SNX25: variants seen among roughly 807,000 people sequenced by gnomAD.
SNX25 encodes the protein sorting nexin 25.
SNX25 carries 62 observed loss-of-function variants against 113.7 expected under a neutral mutation model. The observed-to-expected ratio is 0.55, with a 90% CI of 0.44 to 0.67. SNX25 has a LOEUF of 0.67. SNX25 is among the 30% of genes least tolerant of loss of function. The pLI is 0.00. For synonymous variants in SNX25, 421 were observed against 436.2 expected (o/e 0.97, Z 0.43); for missense variants, 1,014 against 1,161.0 (o/e 0.87, Z 1.84).
At chr4:185,214,812 C>G (rs1738515554) in intron 1 of SNX25, among the ~76,000 whole-genome samples, 1 of 152,316 alleles carries the variant, frequency 6.6e-6, no homozygotes, top group East Asian at 1.9e-4. Flanking sequence ...AGACACAAAG[C>G]ATGTGCTCAA....
intron 14 of SNX25, among the ~76,000 whole-genome samples, 182 bp downstream of exon 14, chr4:185,351,791 G>GT (rs1436523188): frequency 6.6e-6 from 1 of 152,056 alleles, no homozygotes. Context: ...GGACAGAGTG[G>GT]TTTTACCACT....
intron 1 of SNX25, among the ~76,000 whole-genome samples, chr4:185,230,996 A>G (rs1232672143): frequency 6.6e-6 from 1 of 152,062 alleles, no homozygotes; most frequent in African/African-American, 2.4e-5. Flanking sequence ...ATTAACATGT[A>G]TATATCCACG....
At chr4:185,374,977 G>A (rs182490699), downstream of SNX25, among the ~76,000 whole-genome samples, 83 of 152,124 alleles carry the variant, frequency 5.5e-4, no homozygotes, top group African/African-American at 1.8e-3. Context: ...CATCTGCTAC[G>A]TGGTCACAAG....
At chr4:185,350,208 C>T (rs1475805935) in intron 13 of SNX25, among the ~76,000 whole-genome samples, 1 of 152,194 alleles carries the variant, frequency 6.6e-6, no homozygotes, top group African/African-American at 2.4e-5. Context: ...TAGGGAGGGT[C>T]ATAGCGTTCG....
intron 16 of SNX25, among the ~76,000 whole-genome samples, chr4:185,358,838 C>A (rs1056603499): frequency 6.6e-6 from 1 of 152,020 alleles, no homozygotes; most frequent in African/African-American, 2.4e-5. Context: ...TTTTATATAA[C>A]AAAATAAGTT....
upstream of SNX25, among the ~76,000 whole-genome samples, chr4:185,204,738 A>G (rs967742123): frequency 6.6e-6 from 1 of 152,210 alleles, no homozygotes; most frequent in Non-Finnish European, 1.5e-5. Context: ...AGAAGTTCAA[A>G]GTCAGTAGTG....
chr4:185,220,484 C>CTT (rs33968295), intron 1 of SNX25, among the ~76,000 whole-genome samples: 65,560 of 131,574 alleles, frequency 0.5, 16,959 homozygotes, highest in East Asian at 0.7. Context: ...AACTGAGTCC[C>CTT]TTTTTTTTTT....
At chr4:185,327,941 C>CA (rs969323201) in intron 9 of SNX25, among the ~76,000 whole-genome samples, 8 of 152,158 alleles carry the variant, frequency 5.3e-5, no homozygotes, top group Admixed American at 4.6e-4. Flanking sequence ...TAAATGCAAA[C>CA]AAAAATGTAT....
At chr4:185,204,560 G>A (rs996953951) in intron 1 of SNX25, 2 of 152,220 alleles carry the variant, frequency 1.3e-5, no homozygotes, top group Admixed American at 1.3e-4. Flanking sequence ...ATGGTAGGAT[G>A]ATGGCACCCC....
At position 185,341,975 on chromosome 4, in the gene SNX25, G is replaced by A. The variant is rs776481535; in HGVS notation, c.2047-1G>A. 6.3e-7 allele frequency: 1 copy of A among 1,578,944 alleles called. No homozygotes were observed. ...GTATCGATTTTGATGTTTTCCCCAA[G>A]GTTACAGAAGAGAATGGTGAGCAAT... On this transcript the variant is annotated splice_acceptor_variant, in intron 11 of 18. Transcript: ENST00000652585. LOFTEE classifies it high-confidence loss of function.
At chr4:185,238,583 C>G (rs982577650) in intron 1 of SNX25, among the ~76,000 whole-genome samples, 2 of 152,072 alleles carry the variant, frequency 1.3e-5, no homozygotes, top group Non-Finnish European at 2.9e-5. Context: ...GTCATGAGAT[C>G]CCAGTAGATT....
chr4:185,204,711 C>G (rs1737111307), upstream of SNX25, among the ~76,000 whole-genome samples: 1 of 152,150 alleles, frequency 6.6e-6, no homozygotes, highest in South Asian at 2.1e-4. Context: ...CACAAAGGTC[C>G]TTATAAGATG....
chr4:185,278,814 G>A (rs562882016), intron 5 of SNX25, among the ~76,000 whole-genome samples: 4 of 152,240 alleles, frequency 2.6e-5, no homozygotes, highest in East Asian at 3.9e-4. Context: ...GGTGCTATAC[G>A]TATGAGTATA....
intron 7 of SNX25, among the ~76,000 whole-genome samples, chr4:185,313,908 TGAAAATGTTACTAA>T (rs1002554790): frequency 5.3e-5 from 8 of 152,102 alleles, no homozygotes; most frequent in Non-Finnish European, 8.8e-5. Context: ...TAAAGACAAA[TGAAAATGTTACTAA>T]GAAAATCATA....
At chr4:185,227,321 TAGAG>T (rs545074430) in intron 1 of SNX25, among the ~76,000 whole-genome samples, 78 of 152,340 alleles carry the variant, frequency 5.1e-4, no homozygotes, top group African/African-American at 1.9e-3. Context: ...GCCAGTCACT[TAGAG>T]AGGAGGGAGG....
intron 12 of SNX25, among the ~76,000 whole-genome samples, chr4:185,345,442 C>G (rs1422631567): frequency 1.3e-5 from 2 of 152,170 alleles, no homozygotes; most frequent in Admixed American, 1.3e-4. Flanking sequence ...AAAGGGTGCG[C>G]TCTTCGTACT....
chr4:185,328,925 A>G (rs1037779619), intron 9 of SNX25, among the ~76,000 whole-genome samples: 9 of 152,190 alleles, frequency 5.9e-5, no homozygotes, highest in Non-Finnish European at 1.2e-4. Context: ...ACAGGCGAGG[A>G]GCAGATGCAG....
chr4:185,301,323 G>A (rs933597299), intron 6 of SNX25, among the ~76,000 whole-genome samples: 6 of 152,164 alleles, frequency 3.9e-5, no homozygotes, highest in Non-Finnish European at 8.8e-5. Flanking sequence ...TGGAAGCTCC[G>A]CACCCCTTCC....
chr4:185,346,714 C>G, intron 13 of SNX25, 64 bp downstream of exon 13: 2 of 1,031,222 alleles, frequency 1.9e-6, no homozygotes, highest in South Asian at 1.6e-5. Context: ...AAACTGTCAT[C>G]ATTCTACGAG....
Sources: gnomAD v4.1 joint callset for allele counts (sites outside exome capture counted in the v4.1 genomes callset) on GRCh38, gnomAD v4.1.1 for gene constraint, MANE v1.5 for transcripts, NCBI Gene and HGNC (gene_info 2026-07-23, HGNC 2026-07-21) for gene names.